The following FHIT variants were observed in gnomAD, a reference collection of about 807,000 sequenced individuals.
FHIT encodes fragile histidine triad diadenosine triphosphatase.
A neutral mutation model predicts 17.9 loss-of-function variants in FHIT; 19 were observed. The ratio of observed to expected loss-of-function variants is 1.06; its 90% CI spans 0.74 to 1.56. The LOEUF is 1.56. Ranked by LOEUF, FHIT falls within the 40% of genes most tolerant of loss-of-function variation. The pLI, the probability that FHIT is intolerant of heterozygous loss-of-function variation, is 0.00. For synonymous variants in FHIT, 81 were observed against 69.7 expected (o/e 1.16, Z -0.81); for missense variants, 248 against 189.2 (o/e 1.31, Z -1.82).
At chr3:60,970,760 G>T (rs1200801620) in intron 3 of FHIT, among the ~76,000 whole-genome samples, 1 of 151,912 alleles carries the variant, frequency 6.6e-6, no homozygotes, top group Admixed American at 6.6e-5. Context: ...GTTATTGTTT[G>T]TTGCCTTTAT....
intron 8 of FHIT, among the ~76,000 whole-genome samples, chr3:59,862,078 T>C (rs1399166724): frequency 6.6e-6 from 1 of 151,800 alleles, no homozygotes; most frequent in Non-Finnish European, 1.5e-5. Flanking sequence ...AGCAAAACTG[T>C]ACTAGTTCAT....
chr3:60,721,805 G>GTATTATTAT (rs578032919), intron 4 of FHIT, among the ~76,000 whole-genome samples: 1 of 151,868 alleles, frequency 6.6e-6, no homozygotes, highest in African/African-American at 2.4e-5. Flanking sequence ...ATAAAAAAGA[G>GTATTATTAT]TATTATTATT....
intron 3 of FHIT, among the ~76,000 whole-genome samples, chr3:61,032,954 A>T (rs772147990): frequency 3.9e-5 from 6 of 152,240 alleles, no homozygotes; most frequent in Non-Finnish European, 7.3e-5. Context: ...CAAAGGCCCA[A>T]GATACAGGAG....
At chr3:60,661,970 A>T (rs1361248164) in intron 4 of FHIT, among the ~76,000 whole-genome samples, 4 of 152,114 alleles carry the variant, frequency 2.6e-5, no homozygotes, top group Non-Finnish European at 5.9e-5. Flanking sequence ...TGTCAGATGT[A>T]TAAATGGTGA....
intron 8 of FHIT, among the ~76,000 whole-genome samples, chr3:59,913,646 T>C (rs1438845587): frequency 1.3e-5 from 2 of 152,090 alleles, no homozygotes; most frequent in African/African-American, 2.4e-5. Context: ...AATAATTGTA[T>C]TATATTATTA....
At chr3:60,675,780 G>T (rs72874926) in intron 4 of FHIT, among the ~76,000 whole-genome samples, 26 of 152,086 alleles carry the variant, frequency 1.7e-4, no homozygotes, top group Non-Finnish European at 7.4e-5. Context: ...ACCATTTTTA[G>T]GTTCTGTACT....
chr3:60,470,453 T>C (rs777597367), intron 5 of FHIT, among the ~76,000 whole-genome samples: 1 of 151,836 alleles, frequency 6.6e-6, no homozygotes, highest in Non-Finnish European at 1.5e-5. Context: ...CCCTTCCCTC[T>C]CCTTTCCTCA....
At chr3:60,065,785 T>A (rs890375898) in intron 5 of FHIT, among the ~76,000 whole-genome samples, 1 of 152,156 alleles carries the variant, frequency 6.6e-6, no homozygotes, top group African/African-American at 2.4e-5. Context: ...CATGGCCAAC[T>A]ACTCATTCTC....
At chr3:61,078,504 A>T (rs1240874609) in intron 2 of FHIT, among the ~76,000 whole-genome samples, 1 of 152,140 alleles carries the variant, frequency 6.6e-6, no homozygotes, top group African/African-American at 2.4e-5. Context: ...GATAGTCATT[A>T]TTTCTATTAA....
chr3:59,943,340 T>C (rs1374309832), intron 7 of FHIT, among the ~76,000 whole-genome samples: 1 of 151,946 alleles, frequency 6.6e-6, no homozygotes, highest in Non-Finnish European at 1.5e-5. Context: ...GGGAGCAGAC[T>C]AAAAAATATG....
chr3:60,957,379 A>C lies in FHIT; in HGVS notation c.-111+84668T>G, dbSNP rs552814623. 5.3e-5 allele frequency among the ~76,000 whole-genome samples: 8 copies of C among 151,870 alleles called. No homozygotes were observed. The South Asian group carries it at 1.7e-3, about 32-fold the overall frequency. On this transcript the variant is annotated intron_variant, in intron 3 of 9. Coordinates refer to ENST00000492590, the MANE Select transcript of FHIT (RefSeq NM_002012.4). ...CAGCCTCCTGAGTAGCTGGGATTAC[A>C]GGCACGTGCCACCACACCTGGCTAA...
At chr3:61,231,624 T>C (rs2040104453) in intron 1 of FHIT, among the ~76,000 whole-genome samples, 1 of 152,238 alleles carries the variant, frequency 6.6e-6, no homozygotes, top group Non-Finnish European at 1.5e-5. Flanking sequence ...ACAGTTACTA[T>C]GAACCATTTG....
chr3:60,022,427 G>A (rs765828522), intron 5 of FHIT, among the ~76,000 whole-genome samples: 52 of 152,286 alleles, frequency 3.4e-4, no homozygotes, highest in Admixed American at 5.9e-4. Context: ...AGTTGTGAGC[G>A]AAAATGATAT....
chr3:60,288,424 A>T (rs575881491), intron 5 of FHIT, among the ~76,000 whole-genome samples: 37 of 152,342 alleles, frequency 2.4e-4, no homozygotes, highest in Admixed American at 6.5e-4. Flanking sequence ...CAGCATCTAT[A>T]AAATGAGAAT....
At chr3:60,772,344 A>G (rs2108076733) in intron 4 of FHIT, among the ~76,000 whole-genome samples, 1 of 104,394 alleles carries the variant, frequency 9.6e-6, no homozygotes, top group African/African-American at 3.6e-5. Flanking sequence ...ATATATATAT[A>G]TATATATATA....
At chr3:59,936,761 G>C (rs1243451851) in intron 7 of FHIT, among the ~76,000 whole-genome samples, 2 of 152,116 alleles carry the variant, frequency 1.3e-5, no homozygotes, top group South Asian at 4.1e-4. Flanking sequence ...TCCCTCCAGA[G>C]ACAGTAACAT....
At chr3:60,213,936 T>C (rs1703575970) in intron 5 of FHIT, among the ~76,000 whole-genome samples, 1 of 152,188 alleles carries the variant, frequency 6.6e-6, no homozygotes, top group Non-Finnish European at 1.5e-5. Context: ...ACATACTTAC[T>C]GAAGATTTTT....
intron 5 of FHIT, among the ~76,000 whole-genome samples, chr3:60,071,156 C>T (rs999209339): frequency 3.3e-5 from 5 of 152,048 alleles, no homozygotes; most frequent in Admixed American, 2.0e-4. Context: ...CAGCCACATG[C>T]GGCTCCTGAG....
intron 3 of FHIT, among the ~76,000 whole-genome samples, chr3:60,938,725 G>GT (rs1708292412): frequency 6.6e-6 from 1 of 152,126 alleles, no homozygotes; most frequent in Admixed American, 6.6e-5. Flanking sequence ...ATCCATTGCC[G>GT]TAACAGAAAT....
Sources: gnomAD v4.1 joint callset for allele counts (sites outside exome capture counted in the v4.1 genomes callset) on GRCh38, gnomAD v4.1.1 for gene constraint, MANE v1.5 for transcripts, NCBI Gene and HGNC (gene_info 2026-07-23, HGNC 2026-07-21) for gene names.